The following CCAR2 variants were observed in gnomAD, a reference collection of about 807,000 sequenced individuals.
The protein encoded by CCAR2 is cell cycle and apoptosis regulator 2.
CCAR2 carries 21 observed loss-of-function variants against 108.1 expected under a neutral mutation model. That is an observed-to-expected ratio of 0.19 (90% CI 0.14 to 0.28). CCAR2 has a LOEUF of 0.28. CCAR2 is among the 10% of genes least tolerant of loss of function. The pLI, the probability that CCAR2 is intolerant of heterozygous loss-of-function variation, is 1.00. For synonymous variants in CCAR2, 577 were observed against 472.8 expected, an observed-to-expected ratio of 1.22 and a Z score of -2.86; for missense variants, 1,126 against 1,177.0, an observed-to-expected ratio of 0.96 and a Z score of 0.63.
chr8:22,612,628 A>G (rs1801331597), intron 7 of CCAR2: 1 of 156,686 alleles, frequency 6.4e-6, no homozygotes, highest in Admixed American at 6.5e-5. Flanking sequence ...TTAAAAGAAA[A>G]ATCATTTTTT....
At chr8:22,611,494 C>T (rs567773612) in intron 7 of CCAR2, among the ~76,000 whole-genome samples, 3 of 149,728 alleles carry the variant, frequency 2.0e-5, no homozygotes, top group South Asian at 2.1e-4. Context: ...GTGGTTTCTA[C>T]CTTCTTTCTC....
downstream of CCAR2, chr8:22,620,575 T>C (rs1801749470): frequency 6.6e-6 from 1 of 152,182 alleles, no homozygotes. Context: ...CTCCAGAAGG[T>C]GGGCCAGGGC....
Position 22,615,324 on chromosome 8 carries a change from C to T in CCAR2, c.1206-101C>T, listed in dbSNP as rs146716309. 2.5e-5 allele frequency: 35 copies of T among 1,383,700 alleles called. No homozygotes were observed. The East Asian group carries it at 7.1e-4, about 28-fold the overall frequency. The allele number at this position is 1,383,700 out of a possible 1,614,324, so 85.7% of individuals were successfully genotyped here. A position where few individuals can be genotyped will look rare whatever the true frequency, so the allele number is the denominator to read the frequency against. Reference sequence around the variant, plus strand: ...TTCAAAGCTTGGTTCGCAGTGTGTGCTCATTGAGTGCTGACTGGAAACTGA... The same window carrying T: ...TTCAAAGCTTGGTTCGCAGTGTGTGTTCATTGAGTGCTGACTGGAAACTGA... On this transcript the variant is annotated intron_variant, in intron 11 of 20. Transcript: ENST00000308511.
In CCAR2 at chr8:22,619,121, C is replaced by T. The variant is rs200795431; in HGVS notation, c.2522-29C>T. The T allele has an allele frequency of 1.1e-5, 18 of 1,602,300 alleles. No homozygotes were observed. In the South Asian group the frequency reaches 2.0e-4, roughly 18 times the overall value. ...TGTGCTCTGGGCCTTGATGGAGCAG[C>T]CGTCCCCGTTTCCTTCTCCACCTTG... On this transcript the variant is annotated intron_variant, in intron 19 of 20. Coordinates refer to ENST00000308511, the MANE Select transcript of CCAR2 (RefSeq NM_001393997.1).
At position 22,604,860 on chromosome 8, in the gene CCAR2, C is replaced by G; in HGVS notation, c.-39+18C>G. 2.2e-6 allele frequency: 1 copy of G among 451,748 alleles called. No individual in the cohort carries two copies. Among genetic ancestry groups the G allele is most frequent in the East Asian group, 7.0e-5 (1 of 14,218 alleles). The allele number at this position is 451,748 out of a possible 1,614,324, so 28.0% of individuals were successfully genotyped here. ...GCCCGCAGGTGGGTTGGGGGGCCCC[C>G]TGCCGCCCCTCTGCCCCTTCGCCCC... is the stretch of plus-strand genomic sequence containing the variant. On this transcript the variant is annotated intron_variant, in intron 1 of 20. Coordinates refer to ENST00000308511, the MANE Select transcript of CCAR2 (RefSeq NM_001393997.1).
At chr8:22,620,756 T>TA (rs1422446391), downstream of CCAR2, 1 of 152,268 alleles carries the variant, frequency 6.6e-6, no homozygotes, top group East Asian at 1.9e-4. Context: ...AAATTCCAGA[T>TA]ACTCAGGTGA....
Position 22,607,473 on chromosome 8 carries a change from T to TG in CCAR2, c.487+148_487+149insG, listed in dbSNP as rs1249268189. On this transcript the variant is annotated intron_variant, in intron 6 of 20. Transcript: ENST00000308511. ...ATCTGGATAGGTGTTTAGGGTTTTT[T>TG]TTTTTTTTTTTTTTGATGGAGTCTC... 12 of 868,038 alleles carry TG rather than the reference T, an allele frequency of 1.4e-5. No homozygotes were observed. The South Asian group carries it at 1.6e-4, about 12-fold the overall frequency. 53.8% of individuals were successfully genotyped at this position (868,038 alleles called of 1,614,324 possible). A position where few individuals can be genotyped will look rare whatever the true frequency, so the allele number is the denominator to read the frequency against.
chr8:22,617,962 T>C (rs1209993318), intron 16 of CCAR2, among the ~76,000 whole-genome samples, 184 bp downstream of exon 16: 2 of 151,988 alleles, frequency 1.3e-5, no homozygotes, highest in Non-Finnish European at 2.9e-5. Context: ...TCAGTGTCTG[T>C]TGGGGTGAAT....
chr8:22,606,608 G>A lies in CCAR2; in HGVS notation c.152G>A (p.Gly51Asp), dbSNP rs373077001. Residue 51 changes from glycine to aspartate, a missense_variant and splice_region_variant, in exon 4 of 21, where the codon GGT becomes GAT. Coordinates refer to ENST00000308511, the MANE Select transcript of CCAR2 (RefSeq NM_001393997.1). ...TTCAGCTGTCTCCTTCTCTTACAGG[G>A]TGGGGAGAAACAGCGGGTCTTCACT... ...ELSQNARHLQ[G>D]GEKQRVFTGI... 4 of 1,613,134 alleles carry A rather than the reference G, an allele frequency of 2.5e-6. No homozygotes were observed. The African/African-American group carries it at 4.0e-5, about 16-fold the overall frequency.
At chr8:22,614,018 TC>T in intron 8 of CCAR2, 73 bp from the exon 9 acceptor site, 1 of 1,427,544 alleles carries the variant, frequency 7.0e-7, no homozygotes, top group Non-Finnish European at 9.6e-7. Flanking sequence ...GCCCATTTTT[TC>T]AAATCTTTGA....
chr8:22,619,058 C>T (rs1242727018), intron 19 of CCAR2, 43 bp downstream of exon 19: 4 of 1,604,362 alleles, frequency 2.5e-6, no homozygotes, highest in African/African-American at 1.3e-5. Flanking sequence ...CACATGCAGA[C>T]CAGTAGGGAA....
At chr8:22,618,150 G>T in intron 16 of CCAR2, 199 bp from the exon 17 acceptor site, 1 of 656,006 alleles carries the variant, frequency 1.5e-6, no homozygotes. Context: ...TTATTCACAG[G>T]CATGAATATA....
intron 8 of CCAR2, among the ~76,000 whole-genome samples, chr8:22,613,382 C>G (rs1055822636): frequency 3.0e-5 from 4 of 132,878 alleles, no homozygotes; most frequent in Non-Finnish European, 4.7e-5. Context: ...TTTTTAGCAA[C>G]TACACAGTAT....
intron 7 of CCAR2, among the ~76,000 whole-genome samples, chr8:22,609,841 G>A (rs1801211336): frequency 6.6e-6 from 1 of 152,144 alleles, no homozygotes; most frequent in Non-Finnish European, 1.5e-5. Flanking sequence ...AAGGTCTGTT[G>A]TATTACTTTG....
intron 14 of CCAR2, 121 bp downstream of exon 14, chr8:22,616,369 G>C (rs1188539161): frequency 3.4e-6 from 3 of 888,832 alleles, no homozygotes; most frequent in Non-Finnish European, 5.3e-6. Flanking sequence ...GCTCGGCATG[G>C]ACTGAGGCCG....
chr8:22,606,571 T>G (rs1406324045), intron 3 of CCAR2, 36 bp from the exon 4 acceptor site: 5 of 1,550,990 alleles, frequency 3.2e-6, no homozygotes, highest in Non-Finnish European at 4.5e-6. Flanking sequence ...TCCAGTTTCC[T>G]CCCTTTTACT....
Position 22,611,136 on chromosome 8 carries a change from G to A in CCAR2, c.585-1881G>A, listed in dbSNP as rs1443475671. Among the ~76,000 whole-genome samples, 4 of 151,720 alleles carry A rather than the reference G, an allele frequency of 2.6e-5. No homozygotes were observed. The South Asian group carries it at 6.2e-4, about 24-fold the overall frequency. ...AGCACTTTGGGAGGCTGAGGCGGGC[G>A]GATTACTTGAAGTCAGGAGTTCAAA... On this transcript the variant is annotated intron_variant, in intron 7 of 20. Transcript: ENST00000308511.
chr8:22,607,871 C>T (rs1801138218), intron 6 of CCAR2, 98 bp from the exon 7 acceptor site: 3 of 921,224 alleles, frequency 3.3e-6, no homozygotes, highest in African/African-American at 3.3e-5. Context: ...AGTGATCCAT[C>T]TGCACTGTCC....
In CCAR2 at chr8:22,614,370, G is replaced by GA; in HGVS notation, c.928-19dup. ...ATTTCTGGAGGCTGAAGGCAGCTCTGAGTGTCTCCTCCTGCACAGGTACTG... is the reference window on the plus strand; with the variant it reads ...ATTTCTGGAGGCTGAAGGCAGCTCTGAAGTGTCTCCTCCTGCACAGGTACTG... On this transcript the variant is annotated intron_variant, in intron 9 of 20. Transcript: ENST00000308511. 1.9e-6 allele frequency: 3 copies of GA among 1,613,900 alleles called. No individual in the cohort carries two copies. Among genetic ancestry groups the GA allele is most frequent in the Non-Finnish European group, 2.5e-6 (3 of 1,179,756 alleles).
Sources: gnomAD v4.1 joint callset for allele counts (sites outside exome capture counted in the v4.1 genomes callset) on GRCh38, gnomAD v4.1.1 for gene constraint, MANE v1.5 for transcripts, NCBI Gene and HGNC (gene_info 2026-07-23, HGNC 2026-07-21) for gene names.